The following DLGAP1 variants were observed in gnomAD, a reference collection of about 807,000 sequenced individuals.
DLGAP1 encodes the protein disks large-associated protein 1.
DLGAP1 carries 11 observed loss-of-function variants against 90.8 expected under a neutral mutation model. That is an observed-to-expected ratio of 0.12 (90% CI 0.08 to 0.20). The LOEUF is 0.20. DLGAP1 is among the 10% of genes least tolerant of loss of function. The pLI, the probability that DLGAP1 is intolerant of heterozygous loss-of-function variation, is 1.00. For synonymous variants in DLGAP1, 558 were observed against 540.7 expected (o/e 1.03, Z -0.44); for missense variants, 1,050 against 1,333.8 (o/e 0.79, Z 3.31).
chr18:3,518,753 A>G (rs2050993421), intron 10 of DLGAP1, among the ~76,000 whole-genome samples: 1 of 152,162 alleles, frequency 6.6e-6, no homozygotes, highest in Non-Finnish European at 1.5e-5. Flanking sequence ...ATATAGGTAA[A>G]CGTGAGAATG....
chr18:4,090,698 T>G lies in DLGAP1; in HGVS notation c.-159+60482A>C, dbSNP rs376349465. 1.6e-3 allele frequency among the ~76,000 whole-genome samples: 245 copies of G among 152,298 alleles called. 2 individuals carry two copies. The South Asian group carries it at 0.027, about 17-fold the overall frequency. Reference sequence around the variant, plus strand: ...GAAAAGTGTGGCGATTTCTCAAAGATCTAGAACCAGAAATACCATCTGACC... The same window carrying G: ...GAAAAGTGTGGCGATTTCTCAAAGAGCTAGAACCAGAAATACCATCTGACC... On this transcript the variant is annotated intron_variant, in intron 2 of 12. Coordinates refer to ENST00000315677, the MANE Select transcript of DLGAP1 (RefSeq NM_004746.4).
At chr18:4,276,782 T>C (rs899408028) in intron 1 of DLGAP1, among the ~76,000 whole-genome samples, 2 of 152,238 alleles carry the variant, frequency 1.3e-5, no homozygotes, top group Non-Finnish European at 2.9e-5. Flanking sequence ...AATTAATATC[T>C]GGTACTCTAA....
At chr18:4,390,642 TTTC>T (rs1291850005) in intron 1 of DLGAP1, among the ~76,000 whole-genome samples, 1 of 152,182 alleles carries the variant, frequency 6.6e-6, no homozygotes, top group Non-Finnish European at 1.5e-5. Context: ...TTCAGATTAT[TTTC>T]TTTCACTTAG....
intron 7 of DLGAP1, among the ~76,000 whole-genome samples, chr18:3,691,948 A>C (rs1351997677): frequency 6.6e-6 from 1 of 152,160 alleles, no homozygotes; most frequent in Non-Finnish European, 1.5e-5. Flanking sequence ...AAATAAAAAA[A>C]GGTTGAGGAA....
intron 1 of DLGAP1, among the ~76,000 whole-genome samples, chr18:4,429,892 G>A (rs1434905830): frequency 6.6e-6 from 1 of 152,096 alleles, no homozygotes; most frequent in African/African-American, 2.4e-5. Flanking sequence ...TGATCAGTGT[G>A]CATCAGTATG....
At chr18:3,803,476 C>T (rs1448444889) in intron 5 of DLGAP1, among the ~76,000 whole-genome samples, 1 of 152,152 alleles carries the variant, frequency 6.6e-6, no homozygotes, top group Non-Finnish European at 1.5e-5. Context: ...AATGATGCTA[C>T]CGAGGTGGTG....
intron 1 of DLGAP1, among the ~76,000 whole-genome samples, chr18:4,305,308 G>T (rs899497534): frequency 1.3e-5 from 2 of 152,122 alleles, no homozygotes; most frequent in African/African-American, 4.8e-5. Context: ...GCGGAGGCGG[G>T]TGGATCACCT....
At position 3,567,589 on chromosome 18, in the gene DLGAP1, AATC is replaced by A; in HGVS notation, c.1966-11_1966-9del. On this transcript the variant is annotated splice_polypyrimidine_tract_variant and intron_variant, in intron 8 of 12. Coordinates refer to ENST00000315677, the MANE Select transcript of DLGAP1 (RefSeq NM_004746.4). ...TTCTTCAGCATCATCCACCTGGAGA[AATC>A]ATCAAATAAATAGAGTTGTTCCATT... is the stretch of plus-strand genomic sequence containing the variant. The A allele has an allele frequency of 6.2e-7, 1 of 1,610,912 alleles. No individual in the cohort carries two copies. The highest frequency in any genetic ancestry group is 8.5e-7 in the Non-Finnish European group (1 of 1,177,676).
At chr18:3,502,419 G>A (rs2049987191) in intron 12 of DLGAP1, 74 bp downstream of exon 12, 2 of 1,598,228 alleles carry the variant, frequency 1.3e-6, no homozygotes, top group Non-Finnish European at 1.7e-6. Flanking sequence ...AGGACTGAAT[G>A]CAGAAGCCTA....
At chr18:4,067,800 C>T (rs1042771452) in intron 2 of DLGAP1, among the ~76,000 whole-genome samples, 1 of 152,032 alleles carries the variant, frequency 6.6e-6, no homozygotes, top group Non-Finnish European at 1.5e-5. Flanking sequence ...CTAGAACCTC[C>T]TCCCTTCACT....
In DLGAP1 at chr18:4,378,778, C is replaced by A. The variant is rs2082064287; in HGVS notation, c.-267+76228G>T. 6.6e-6 allele frequency among the ~76,000 whole-genome samples: 1 copy of A among 152,090 alleles called. No homozygotes were observed. The highest frequency in any genetic ancestry group is 2.4e-5 in the African/African-American group (1 of 41,418). On this transcript the variant is annotated intron_variant, in intron 1 of 12. Transcript: ENST00000315677. This position sits in a 1 kb window ranked among gnomAD's most constrained non-coding sequence, Gnocchi z 4.5. ...CTCTTTCCTAAATAGATCTTCCCTC[C>A]TAACAGCTTGGTTGTGTCACAGTTC...
At position 3,826,089 on chromosome 18, in the gene DLGAP1, C is replaced by T. The variant is rs113892650; in HGVS notation, c.958-11816G>A. On this transcript the variant is annotated intron_variant, in intron 4 of 12. Transcript: ENST00000315677. ...GAGCTAAACGATGACTACACACAGA[C>T]ATAAAGATGGCAACAGTAGACACTG... Among the ~76,000 whole-genome samples the T allele has an allele frequency of 3.0e-3, 459 of 152,214 alleles. 3 individuals carry two copies. The highest frequency in any genetic ancestry group is 9.9e-3 in the African/African-American group (412 of 41,526).
intron 7 of DLGAP1, among the ~76,000 whole-genome samples, chr18:3,583,184 A>ACCTC: frequency 7.8e-6 from 1 of 127,704 alleles, no homozygotes; most frequent in Non-Finnish European, 1.6e-5. Context: ...CTACCTACCT[A>ACCTC]CCTTCCTTCC....
intron 2 of DLGAP1, among the ~76,000 whole-genome samples, chr18:4,118,119 CTA>C (rs560004233): frequency 7.0e-4 from 106 of 152,196 alleles, no homozygotes; most frequent in African/African-American, 2.3e-3. Context: ...CACCATGGAG[CTA>C]TGAGTGCCTT....
intron 1 of DLGAP1, among the ~76,000 whole-genome samples, chr18:4,432,589 A>AGTGTGTGTGTGTATGTGTGTGTGTGT (rs779917667): frequency 2.7e-5 from 3 of 111,472 alleles, no homozygotes; most frequent in East Asian, 2.8e-4. Context: ...CACCTCACAT[A>AGTGTGTGTGTGTATGTGTGTGTGTGT]GTGTGTGTGT....
intron 7 of DLGAP1, among the ~76,000 whole-genome samples, chr18:3,705,940 T>C (rs561212870): frequency 6.6e-6 from 1 of 150,988 alleles, no homozygotes; most frequent in East Asian, 2.0e-4. Flanking sequence ...ATTACAGGCG[T>C]GAGCCACCGC....
intron 10 of DLGAP1, among the ~76,000 whole-genome samples, chr18:3,529,221 A>G (rs559075999): frequency 6.6e-6 from 1 of 152,322 alleles, no homozygotes; most frequent in South Asian, 2.1e-4. Context: ...CCTCATGAAT[A>G]GGGTTACTAC....
At chr18:3,877,872 T>C (rs2071043248) in intron 4 of DLGAP1, among the ~76,000 whole-genome samples, 2 of 152,230 alleles carry the variant, frequency 1.3e-5, no homozygotes, top group Non-Finnish European at 1.5e-5. Context: ...CCAGCTTCAG[T>C]GGGAAGTACT....
intron 5 of DLGAP1, among the ~76,000 whole-genome samples, chr18:3,796,021 G>C (rs2065974267): frequency 6.6e-6 from 1 of 152,154 alleles, no homozygotes; most frequent in Non-Finnish European, 1.5e-5. Flanking sequence ...CGATTAAGGA[G>C]TTAAGGACCA....
Sources: gnomAD v4.1 joint callset for allele counts (sites outside exome capture counted in the v4.1 genomes callset) on GRCh38, gnomAD v4.1.1 for gene constraint, Gnocchi (gnomAD v3.1) non-coding constraint, MANE v1.5 for transcripts, NCBI Gene and HGNC (gene_info 2026-07-23, HGNC 2026-07-21) for gene names.